Variants in TMEM117 observed in about 807,000 individuals in gnomAD.
TMEM117 encodes the protein transmembrane protein 117.
Under a neutral mutation model 52.4 loss-of-function variants are expected in TMEM117, and 27 were observed. The observed-to-expected ratio is 0.51, with a 90% CI of 0.38 to 0.71. The LOEUF is 0.71. TMEM117 is among the 30% of genes least tolerant of loss of function. The pLI is 0.00. For synonymous variants in TMEM117, 215 were observed against 206.3 expected, an observed-to-expected ratio of 1.04 and a Z score of -0.36; for missense variants, 556 against 630.5, an observed-to-expected ratio of 0.88 and a Z score of 1.26.
At chr12:44,271,500 G>A (rs1950445250) in intron 5 of TMEM117, among the ~76,000 whole-genome samples, 1 of 151,980 alleles carries the variant, frequency 6.6e-6, no homozygotes, top group East Asian at 1.9e-4. Context: ...ATACAATAGG[G>A]AAACAAGCAT....
At chr12:44,313,319 C>T (rs1277571297) in intron 6 of TMEM117, among the ~76,000 whole-genome samples, 1 of 152,176 alleles carries the variant, frequency 6.6e-6, no homozygotes, top group Admixed American at 6.5e-5. Flanking sequence ...TTTCATTCTT[C>T]TGCATATGAC....
chr12:44,147,577 T>C (rs1948661099), intron 4 of TMEM117, among the ~76,000 whole-genome samples: 1 of 152,066 alleles, frequency 6.6e-6, no homozygotes, highest in Admixed American at 6.6e-5. Flanking sequence ...GGCATCAGAC[T>C]CCAGGTTTGA....
chr12:43,871,985 C>T (rs955817459), intron 2 of TMEM117, among the ~76,000 whole-genome samples: 1 of 152,168 alleles, frequency 6.6e-6, no homozygotes, highest in African/African-American at 2.4e-5. Flanking sequence ...CTTTGACCCC[C>T]TGGGTTCAGG....
At chr12:43,895,767 G>T (rs1239123103) in intron 2 of TMEM117, among the ~76,000 whole-genome samples, 1 of 152,178 alleles carries the variant, frequency 6.6e-6, no homozygotes, top group African/African-American at 2.4e-5. Flanking sequence ...AAAGGTCCAT[G>T]CTAATGCTAA....
At chr12:43,825,695 G>A in the TMEM117 span, among the ~76,000 whole-genome samples, 2 of 152,038 alleles carry the variant, frequency 1.3e-5, no homozygotes, top group Admixed American at 1.3e-4. Flanking sequence ...CTTTCTATGT[G>A]TTTCTCTGAA....
chr12:43,813,231 G>GTTTTTTTTTT, the TMEM117 span, among the ~76,000 whole-genome samples: 160 of 62,668 alleles, frequency 2.6e-3, 16 homozygotes, highest in Non-Finnish European at 3.9e-3. Context: ...GTTTTCTCTT[G>GTTTTTTTTTT]TTTTTTTTTT....
intron 3 of TMEM117, among the ~76,000 whole-genome samples, chr12:44,081,158 A>G (rs911103652): frequency 9.2e-5 from 14 of 151,356 alleles, no homozygotes; most frequent in Middle Eastern, 3.4e-3. Context: ...GAAGAAATAG[A>G]TAAATAAATT....
chr12:43,901,325 T>C (rs930924947), intron 2 of TMEM117, among the ~76,000 whole-genome samples: 2 of 152,154 alleles, frequency 1.3e-5, no homozygotes, highest in Non-Finnish European at 2.9e-5. Flanking sequence ...TTTTTTTTGT[T>C]TTTGAGACGG....
At chr12:44,054,126 G>C (rs1204563867) in intron 3 of TMEM117, among the ~76,000 whole-genome samples, 1 of 152,180 alleles carries the variant, frequency 6.6e-6, no homozygotes, top group Admixed American at 6.5e-5. Context: ...ACTGCCGTTA[G>C]TGAACCAATT....
intron 6 of TMEM117, among the ~76,000 whole-genome samples, chr12:44,371,056 G>C (rs1240874122): frequency 6.6e-6 from 1 of 152,122 alleles, no homozygotes; most frequent in Non-Finnish European, 1.5e-5. Flanking sequence ...AAGAAGTACA[G>C]TGTTGCTGAA....
intron 5 of TMEM117, among the ~76,000 whole-genome samples, chr12:44,236,895 A>G (rs1950003655): frequency 6.6e-6 from 1 of 152,040 alleles, no homozygotes. Context: ...CACCTGTCAT[A>G]AGGATGTAGT....
chr12:43,806,258 T>G, the TMEM117 span: 1 of 1,522,148 alleles, frequency 6.6e-7, no homozygotes, highest in Non-Finnish European at 8.8e-7. Flanking sequence ...CGGCGGCCGC[T>G]AGCTCCCGGC....
the TMEM117 span, among the ~76,000 whole-genome samples, chr12:43,810,881 G>A: frequency 5.9e-5 from 9 of 152,110 alleles, no homozygotes; most frequent in Admixed American, 1.3e-4. Context: ...TCAGTATGGT[G>A]ACCTTTATTT....
At chr12:44,219,715 A>G (rs1949763602) in intron 5 of TMEM117, among the ~76,000 whole-genome samples, 1 of 152,180 alleles carries the variant, frequency 6.6e-6, no homozygotes, top group Admixed American at 6.5e-5. Flanking sequence ...TTTATTGGGG[A>G]CACTAGAAGT....
intron 3 of TMEM117, among the ~76,000 whole-genome samples, chr12:44,118,859 A>G (rs1371838211): frequency 6.6e-6 from 1 of 152,180 alleles, no homozygotes; most frequent in East Asian, 1.9e-4. Flanking sequence ...GTTTATTTGC[A>G]TCTCTGGTTT....
At chr12:43,836,229 T>C in intron 1 of TMEM117, 33 bp downstream of exon 1, 1 of 152,284 alleles carries the variant, frequency 6.6e-6, no homozygotes, top group Non-Finnish European at 1.5e-5. Context: ...TGGGCGAGCC[T>C]CCCCAGCCGT....
intron 5 of TMEM117, among the ~76,000 whole-genome samples, chr12:44,240,667 G>C (rs1452206526): frequency 1.3e-5 from 2 of 151,954 alleles, no homozygotes; most frequent in Non-Finnish European, 2.9e-5. Context: ...AAATATGGGA[G>C]TATATCATAG....
At chr12:44,146,123 C>A (rs1176729748) in intron 4 of TMEM117, among the ~76,000 whole-genome samples, 1 of 152,104 alleles carries the variant, frequency 6.6e-6, no homozygotes, top group Non-Finnish European at 1.5e-5. Flanking sequence ...GAGTTTTGAC[C>A]AAAGACCTTT....
chr12:43,810,783 T>C, the TMEM117 span, among the ~76,000 whole-genome samples: 318 of 152,288 alleles, frequency 2.1e-3, 4 homozygotes, highest in East Asian at 0.04. Flanking sequence ...CCAAAACAGA[T>C]TAACCCTTTC....
Sources: gnomAD v4.1 joint callset for allele counts (sites outside exome capture counted in the v4.1 genomes callset) on GRCh38, gnomAD v4.1.1 for gene constraint, MANE v1.5 for transcripts, NCBI Gene and HGNC (gene_info 2026-07-23, HGNC 2026-07-21) for gene names.